CDC40: variants seen among roughly 807,000 people sequenced by gnomAD.
CDC40 encodes the protein pre-mRNA-processing factor 17.
A neutral mutation model predicts 80.6 loss-of-function variants in CDC40; 27 were observed. The observed-to-expected ratio is 0.33, with a 90% confidence interval of 0.25 to 0.46. The LOEUF (loss-of-function observed/expected upper bound fraction) is 0.46, where lower values mean the gene tolerates loss of function less well. Among genes scored for constraint, CDC40 ranks in the 20% least tolerant of loss-of-function variants. The probability of loss-of-function intolerance (pLI) is 1.00; values close to 1 mark genes in which losing one functional copy is unlikely to be tolerated. For missense variants in CDC40, 486 were observed against 694.1 expected, an observed-to-expected ratio of 0.70 and a Z score of 3.37; for synonymous variants, 221 against 232.6, an observed-to-expected ratio of 0.95 and a Z score of 0.45.
At position 110,190,278 on chromosome 6, in the gene CDC40, C is replaced by T. The variant is rs149096280; in HGVS notation, c.190-2904C>T. Reference sequence around the variant, plus strand: ...CATTGCCTAAGGTACAAGGCGGTAACATTGCCTACAGCACAGAAAGCATCA... The same window carrying T: ...CATTGCCTAAGGTACAAGGCGGTAATATTGCCTACAGCACAGAAAGCATCA... On this transcript the variant is annotated intron_variant, in intron 1 of 14. Transcript: ENST00000307731. Among the ~76,000 whole-genome samples, 45 of 152,296 alleles carry T rather than the reference C, an allele frequency of 3.0e-4. 1 individual carries two copies. In the East Asian group the frequency reaches 8.7e-3, roughly 29 times the overall value.
Position 110,193,217 on chromosome 6 carries a change from C to T in CDC40, c.225C>T (p.Ala75=), listed in dbSNP as rs188381453. ...AGACTGGAGTTCACCTTGACCCTGC[C>T]GTCAAAGAAGTTCAGTATAATCCTA... The part of the protein sequence containing the change: ...DLETGVHLDP[A]VKEVQYNPTY... Residue 75 remains alanine, a synonymous_variant, in exon 2 of 15, where the codon GCC becomes GCT. Transcript: ENST00000307731. 57 of 1,609,314 alleles carry T rather than the reference C, an allele frequency of 3.5e-5. No homozygotes were observed. The highest frequency in any genetic ancestry group is 9.9e-5 in the South Asian group (9 of 90,960).
chr6:110,221,614 A>G (rs1045046557), intron 12 of CDC40, among the ~76,000 whole-genome samples: 2 of 152,226 alleles, frequency 1.3e-5, no homozygotes, highest in African/African-American at 2.4e-5. Context: ...TCACTTGCAC[A>G]AACTCTGGAT....
At chr6:110,199,045 C>T (rs1355247899) in intron 2 of CDC40, 3 of 152,120 alleles carry the variant, frequency 2.0e-5, no homozygotes, top group African/African-American at 7.2e-5. Flanking sequence ...AAGGTCAGCT[C>T]CAATAGCTAC....
chr6:110,230,920 G>A lies in CDC40; in HGVS notation c.*789G>A, dbSNP rs1288324006. 2 of 152,218 alleles carry A rather than the reference G, an allele frequency of 1.3e-5. No individual in the cohort carries two copies. The highest frequency in any genetic ancestry group is 4.8e-5 in the African/African-American group (2 of 41,456). The allele number at this position is 152,218 out of a possible 1,614,324, so 9.4% of individuals were successfully genotyped here. A position where few individuals can be genotyped will look rare whatever the true frequency, so the allele number is the denominator to read the frequency against. On this transcript the variant is annotated 3_prime_UTR_variant, in exon 15 of 15. Coordinates refer to ENST00000307731, the MANE Select transcript of CDC40 (RefSeq NM_015891.3). ...GCTTTGAGAAATCAGGATCTCCTAG[G>A]TCATTGCTTCGCAGCTGTGATTACT...
intron 7 of CDC40, among the ~76,000 whole-genome samples, chr6:110,212,824 G>C (rs1470882390): frequency 1.3e-5 from 2 of 152,134 alleles, no homozygotes; most frequent in African/African-American, 4.8e-5. Context: ...AGGAAGAGAA[G>C]TGGGGGTATT....
chr6:110,219,526 T>C (rs1185915436), intron 11 of CDC40, 47 bp downstream of exon 11: 2 of 1,184,626 alleles, frequency 1.7e-6, no homozygotes, highest in Non-Finnish European at 2.5e-6. Context: ...CTTTATGTTG[T>C]ATAAGGGGAT....
At chr6:110,228,211 T>C (rs1777890034) in intron 13 of CDC40, among the ~76,000 whole-genome samples, 1 of 152,188 alleles carries the variant, frequency 6.6e-6, no homozygotes, top group Non-Finnish European at 1.5e-5. Context: ...AATTTAGCAC[T>C]ATAATCTTAT....
chr6:110,204,162 C>T (rs1315376577), intron 3 of CDC40, among the ~76,000 whole-genome samples: 2 of 151,780 alleles, frequency 1.3e-5, no homozygotes, highest in African/African-American at 2.4e-5. Context: ...TACAGGCACC[C>T]GCCACCACGC....
At chr6:110,228,074 G>A (rs990198444) in intron 13 of CDC40, among the ~76,000 whole-genome samples, 1 of 152,192 alleles carries the variant, frequency 6.6e-6, no homozygotes, top group Non-Finnish European at 1.5e-5. Flanking sequence ...GGTATAGCCT[G>A]TTGCTCCTAG....
At chr6:110,216,018 G>T (rs78737436) in intron 9 of CDC40, among the ~76,000 whole-genome samples, 288 of 152,300 alleles carry the variant, frequency 1.9e-3, no homozygotes, top group African/African-American at 6.4e-3. Context: ...AACATAAGAT[G>T]ATGGTAAGGT....
At chr6:110,186,544 A>C (rs2114647551) in intron 1 of CDC40, among the ~76,000 whole-genome samples, 1 of 152,292 alleles carries the variant, frequency 6.6e-6, no homozygotes, top group South Asian at 2.1e-4. Context: ...TATTTCTCGA[A>C]GGATATTTTC....
At chr6:110,215,471 C>T in intron 9 of CDC40, 140 bp downstream of exon 9, 1 of 713,318 alleles carries the variant, frequency 1.4e-6, no homozygotes. Flanking sequence ...GAGTCAGTGT[C>T]CCCAGTTAGA....
chr6:110,207,734 C>A, intron 4 of CDC40, 145 bp downstream of exon 4: 1 of 529,128 alleles, frequency 1.9e-6, no homozygotes, highest in Non-Finnish European at 3.4e-6. Context: ...CAGTTTAGAG[C>A]AATATAGTTC....
intron 1 of CDC40, among the ~76,000 whole-genome samples, chr6:110,190,955 G>A (rs1050985286): frequency 5.3e-5 from 8 of 152,158 alleles, no homozygotes; most frequent in Non-Finnish European, 4.4e-5. Context: ...CATTGTCATC[G>A]TTAGGTGTGA....
chr6:110,222,185 G>T (rs190268933), intron 12 of CDC40, among the ~76,000 whole-genome samples: 9 of 152,188 alleles, frequency 5.9e-5, no homozygotes, highest in Non-Finnish European at 4.4e-5. Flanking sequence ...TGTCTGGGAG[G>T]TCAAGGCTGC....
At chr6:110,209,506 G>C (rs1384869248) in intron 5 of CDC40, among the ~76,000 whole-genome samples, 1 of 151,892 alleles carries the variant, frequency 6.6e-6, no homozygotes, top group South Asian at 2.1e-4. Flanking sequence ...AGCTGCCATG[G>C]TAGCTACTCT....
chr6:110,204,693 C>T (rs927925108), intron 3 of CDC40, among the ~76,000 whole-genome samples: 10 of 134,164 alleles, frequency 7.5e-5, no homozygotes, highest in Non-Finnish European at 1.1e-4. Context: ...GACAGGATCT[C>T]GCTCTGTCAC....
At chr6:110,188,041 G>A (rs1305738932) in intron 1 of CDC40, among the ~76,000 whole-genome samples, 1 of 152,196 alleles carries the variant, frequency 6.6e-6, no homozygotes, top group Non-Finnish European at 1.5e-5. Flanking sequence ...ATTTTAGCAG[G>A]AGTCAGAGAC....
intron 6 of CDC40, 36 bp from the exon 7 acceptor site, chr6:110,212,097 A>G: frequency 6.4e-7 from 1 of 1,574,042 alleles, no homozygotes. Flanking sequence ...TATGGGTTGT[A>G]TTTGTTTATT....
Sources: allele counts gnomAD v4.1 joint callset (sites outside exome capture counted in the v4.1 genomes callset), GRCh38; gene constraint gnomAD v4.1.1; transcripts MANE v1.5; gene names NCBI Gene and HGNC (gene_info 2026-07-23, HGNC 2026-07-21).